Variants in GNB4 observed in about 807,000 individuals in gnomAD.
The protein encoded by GNB4 is G protein subunit beta 4, also known as guanine nucleotide-binding protein subunit beta-4.
Under a neutral mutation model 45.2 loss-of-function variants are expected in GNB4, and 28 were observed. The ratio of observed to expected loss-of-function variants is 0.62; its 90% CI spans 0.46 to 0.85. GNB4 has a LOEUF of 0.85. Among genes scored for constraint, GNB4 ranks in the 40% least tolerant of loss-of-function variants. The pLI is 0.00. For synonymous variants in GNB4, 132 were observed against 143.7 expected (o/e 0.92, Z 0.58); for missense variants, 321 against 425.4 (o/e 0.75, Z 2.16).
chr3:179,430,880 C>G (rs1445957247), intron 1 of GNB4, among the ~76,000 whole-genome samples: 1 of 152,116 alleles, frequency 6.6e-6, no homozygotes, highest in African/African-American at 2.4e-5. Context: ...CAGAGAAAGA[C>G]TGAACAACCC....
chr3:179,514,584 T>C, the GNB4 span, among the ~76,000 whole-genome samples: 5 of 152,058 alleles, frequency 3.3e-5, no homozygotes, highest in Non-Finnish European at 7.4e-5. Context: ...CTGGAGGAAA[T>C]TAAGGTTAAA....
chr3:179,501,857 C>T, the GNB4 span, among the ~76,000 whole-genome samples: 458 of 152,278 alleles, frequency 3.0e-3, 1 homozygote, highest in African/African-American at 0.011. Flanking sequence ...GACCTCTTCT[C>T]GCCACTTCCA....
At chr3:179,452,644 G>A (rs1361756458), upstream of GNB4, among the ~76,000 whole-genome samples, 1 of 152,006 alleles carries the variant, frequency 6.6e-6, no homozygotes, top group African/African-American at 2.4e-5. Context: ...AAATGTGACC[G>A]TTTTGTATAA....
chr3:179,477,824 T>C, the GNB4 span, among the ~76,000 whole-genome samples: 1 of 152,234 alleles, frequency 6.6e-6, no homozygotes, highest in Non-Finnish European at 1.5e-5. Context: ...CTAGGTTTTT[T>C]TCTATCCTGC....
chr3:179,508,057 A>T, the GNB4 span, among the ~76,000 whole-genome samples: 1 of 152,240 alleles, frequency 6.6e-6, no homozygotes, highest in Non-Finnish European at 1.5e-5. Flanking sequence ...AGGCAGAGTT[A>T]GTTCAAGGAG....
At chr3:179,491,071 T>C in the GNB4 span, among the ~76,000 whole-genome samples, 2 of 152,212 alleles carry the variant, frequency 1.3e-5, no homozygotes, top group Non-Finnish European at 2.9e-5. Flanking sequence ...TTAAAGCAGC[T>C]ATTATAAAAA....
chr3:179,521,102 A>G, the GNB4 span, among the ~76,000 whole-genome samples: 1 of 152,184 alleles, frequency 6.6e-6, no homozygotes, highest in Non-Finnish European at 1.5e-5. Context: ...CACATGCCCC[A>G]AGTCAGAAAA....
chr3:179,405,644 A>G, intron 8 of GNB4: 1 of 410,488 alleles, frequency 2.4e-6, no homozygotes, highest in Non-Finnish European at 4.4e-6. Context: ...CACAGCAAGT[A>G]TTCAACAAAT....
intron 9 of GNB4, 45 bp from the exon 10 acceptor site, chr3:179,401,364 G>T: frequency 7.7e-7 from 1 of 1,300,968 alleles, no homozygotes; most frequent in Non-Finnish European, 1.1e-6. Flanking sequence ...TAGGGTTTTA[G>T]AATTAAACAA....
the GNB4 span, among the ~76,000 whole-genome samples, chr3:179,508,930 G>GTATATA: frequency 2.9e-3 from 136 of 47,020 alleles, 2 homozygotes; most frequent in Non-Finnish European, 3.7e-3. Context: ...CTTTCAGCAT[G>GTATATA]TGTATATATA....
intron 4 of GNB4, among the ~76,000 whole-genome samples, 155 bp from the exon 5 acceptor site, chr3:179,416,711 T>G (rs935252840): frequency 3.9e-5 from 6 of 152,290 alleles, no homozygotes; most frequent in South Asian, 2.1e-4. Context: ...TTTAAAAAAT[T>G]TATGCTGCAT....
the GNB4 span, among the ~76,000 whole-genome samples, chr3:179,510,906 T>C: frequency 3.3e-5 from 5 of 152,194 alleles, no homozygotes; most frequent in Non-Finnish European, 5.9e-5. Flanking sequence ...GCCCATGAGA[T>C]ATGAATCTGG....
chr3:179,496,930 A>G, the GNB4 span, among the ~76,000 whole-genome samples: 2 of 152,170 alleles, frequency 1.3e-5, no homozygotes, highest in East Asian at 1.9e-4. Flanking sequence ...TCATTCTATC[A>G]TATGATAGAA....
chr3:179,417,114 G>A (rs1212444287), intron 4 of GNB4, among the ~76,000 whole-genome samples: 2 of 152,136 alleles, frequency 1.3e-5, no homozygotes, highest in Non-Finnish European at 2.9e-5. Flanking sequence ...AGTAAAGGAG[G>A]AACAATGGCT....
chr3:179,414,843 C>T (rs1035028913), intron 6 of GNB4, 42 bp downstream of exon 6: 1 of 1,496,790 alleles, frequency 6.7e-7, no homozygotes, highest in African/African-American at 1.4e-5. Context: ...ACATTCCACA[C>T]AAGGAATCGT....
At chr3:179,527,585 G>A in the GNB4 span, among the ~76,000 whole-genome samples, 1 of 152,100 alleles carries the variant, frequency 6.6e-6, no homozygotes, top group Non-Finnish European at 1.5e-5. Context: ...TTACAAATGA[G>A]CAAACTTGAG....
the GNB4 span, among the ~76,000 whole-genome samples, chr3:179,522,257 G>C: frequency 7.2e-5 from 11 of 151,920 alleles, no homozygotes; most frequent in East Asian, 3.9e-4. Flanking sequence ...TGGCTCAAAA[G>C]CTCCCCCACT....
At chr3:179,468,035 A>AAAATATATATATATATATATATATATAT in the GNB4 span, among the ~76,000 whole-genome samples, 4 of 89,856 alleles carry the variant, frequency 4.5e-5, no homozygotes, top group African/African-American at 1.6e-4. Context: ...TGTTGATAAA[A>AAAATATATATATATATATATATATATAT]ATATATATAT....
intron 1 of GNB4, among the ~76,000 whole-genome samples, chr3:179,436,873 C>A (rs1412208416): frequency 6.6e-6 from 1 of 152,066 alleles, no homozygotes; most frequent in Non-Finnish European, 1.5e-5. Flanking sequence ...CAATTCAACC[C>A]CTTGTGAACT....
Sources: gnomAD v4.1 joint callset for allele counts (sites outside exome capture counted in the v4.1 genomes callset) on GRCh38, gnomAD v4.1.1 for gene constraint, MANE v1.5 for transcripts, NCBI Gene and HGNC (gene_info 2026-07-23, HGNC 2026-07-21) for gene names.